Variants in LRFN2 observed in about 807,000 individuals in gnomAD.
The protein encoded by LRFN2 is leucine rich repeat and fibronectin type III domain containing 2.
A neutral mutation model predicts 37.3 loss-of-function variants in LRFN2; 18 were observed. The ratio of observed to expected loss-of-function variants is 0.48; its 90% CI spans 0.33 to 0.72. The LOEUF (loss-of-function observed/expected upper bound fraction) is 0.72, where lower values mean the gene tolerates loss of function less well. Ranked by LOEUF, LRFN2 falls within the 30% of genes least tolerant of loss-of-function variation. The pLI is 0.02. For synonymous variants in LRFN2, 556 were observed against 466.6 expected, an observed-to-expected ratio of 1.19 and a Z score of -2.47; for missense variants, 1,006 against 1,060.7, an observed-to-expected ratio of 0.95 and a Z score of 0.72.
At chr6:40,412,282 C>A (rs1346442568) in intron 2 of LRFN2, among the ~76,000 whole-genome samples, 3 of 152,162 alleles carry the variant, frequency 2.0e-5, no homozygotes, top group African/African-American at 7.2e-5. Context: ...AATTTTCTGA[C>A]CTTCCTCAGT....
chr6:40,529,412 C>A (rs1766309562), intron 1 of LRFN2, among the ~76,000 whole-genome samples: 1 of 152,278 alleles, frequency 6.6e-6, no homozygotes. Context: ...ATTTGTGGAC[C>A]AAACTGCCTA....
At chr6:40,463,627 T>A (rs1316228103) in intron 1 of LRFN2, among the ~76,000 whole-genome samples, 1 of 151,778 alleles carries the variant, frequency 6.6e-6, no homozygotes, top group African/African-American at 2.4e-5. Flanking sequence ...CACTCCATGT[T>A]CCCTGCATTT....
intron 1 of LRFN2, among the ~76,000 whole-genome samples, chr6:40,564,862 C>T (rs1767060886): frequency 1.3e-5 from 2 of 152,144 alleles, no homozygotes; most frequent in Non-Finnish European, 2.9e-5. Context: ...TGATCATATC[C>T]TCCAACCCCA....
At chr6:40,526,707 C>T (rs998480311) in intron 1 of LRFN2, among the ~76,000 whole-genome samples, 4 of 152,174 alleles carry the variant, frequency 2.6e-5, no homozygotes, top group East Asian at 1.9e-4. Flanking sequence ...TGTGGCCATC[C>T]GGTCCCTCCC....
Position 40,485,734 on chromosome 6 carries a change from A to AATAAG in LRFN2, c.-18-52608_-18-52604dup, listed in dbSNP as rs1764941812. Reference sequence around the variant, plus strand: ...TTAAGCCCTGGAAGAACTCAGGGCAAATAAGGAAAGCTGTAGCTCAAGGTC... The same window carrying AATAAG: ...TTAAGCCCTGGAAGAACTCAGGGCAAATAAGATAAGGAAAGCTGTAGCTCAAGGTC... On this transcript the variant is annotated intron_variant, in intron 1 of 2. Coordinates refer to ENST00000338305, the MANE Select transcript of LRFN2 (RefSeq NM_020737.3). Among the ~76,000 whole-genome samples, 3 of 152,310 alleles carry AATAAG rather than the reference A, an allele frequency of 2.0e-5. No individual in the cohort carries two copies. The South Asian group carries it at 6.2e-4, about 32-fold the overall frequency.
chr6:40,574,674 G>T (rs1393878715), intron 1 of LRFN2, among the ~76,000 whole-genome samples: 2 of 152,184 alleles, frequency 1.3e-5, no homozygotes, highest in Non-Finnish European at 2.9e-5. Context: ...GGCACTGCAG[G>T]TACCTGCGGC....
intron 1 of LRFN2, among the ~76,000 whole-genome samples, chr6:40,517,945 CT>C (rs1231697261): frequency 1.3e-5 from 2 of 152,196 alleles, no homozygotes; most frequent in Non-Finnish European, 2.9e-5. Flanking sequence ...TGTTTTCCTC[CT>C]GCTCCCCACC....
rs1260959742 is a variant in LRFN2, at chr6:40,432,449, T to C, written c.665A>G (p.Gln222Arg). ...LPPDPIFARS[Q>R]ASALTATPFA... Reference sequence around the variant, plus strand: ...GGGTGTGGCTGTCAAAGCCGAAGCCTGGGAGCGGGCAAAGATGGGATCAGG... The same window carrying C: ...GGGTGTGGCTGTCAAAGCCGAAGCCCGGGAGCGGGCAAAGATGGGATCAGG... Residue 222 changes from glutamine to arginine, a missense_variant, in exon 2 of 3, where the codon CAG (glutamine) becomes CGG (arginine). Physicochemically the swap from Gln to Arg is conservative, Grantham distance 43. Transcript: ENST00000338305. The C allele has an allele frequency of 6.2e-7, 1 of 1,614,020 alleles. No homozygotes were observed. The highest frequency in any genetic ancestry group is 8.5e-7 in the Non-Finnish European group (1 of 1,180,040).
intron 2 of LRFN2, among the ~76,000 whole-genome samples, chr6:40,422,784 C>T (rs1763258846): frequency 6.6e-6 from 1 of 152,226 alleles, no homozygotes; most frequent in South Asian, 2.1e-4. Context: ...GATATCCTCA[C>T]TCCCATCTCC....
At chr6:40,513,213 A>T (rs181279874) in intron 1 of LRFN2, among the ~76,000 whole-genome samples, 1 of 151,942 alleles carries the variant, frequency 6.6e-6, no homozygotes. Flanking sequence ...GGAGCAGTTA[A>T]CAATACGCCC....
At chr6:40,475,236 C>T (rs960261877) in intron 1 of LRFN2, among the ~76,000 whole-genome samples, 4 of 152,112 alleles carry the variant, frequency 2.6e-5, no homozygotes, top group African/African-American at 7.2e-5. Context: ...ATTGATGCAG[C>T]GGTTCTGCTT....
intron 1 of LRFN2, among the ~76,000 whole-genome samples, chr6:40,446,328 C>A (rs1763969015): frequency 6.6e-6 from 1 of 152,166 alleles, no homozygotes; most frequent in African/African-American, 2.4e-5. Flanking sequence ...AGAAGCATTC[C>A]AAGGCAAAAG....
chr6:40,481,980 A>G (rs1051724833), intron 1 of LRFN2, among the ~76,000 whole-genome samples: 1 of 152,168 alleles, frequency 6.6e-6, no homozygotes, highest in African/African-American at 2.4e-5. Context: ...GGATCTAGCC[A>G]TTGTCCTCAT....
intron 1 of LRFN2, among the ~76,000 whole-genome samples, chr6:40,468,255 G>A (rs956827699): frequency 2.6e-5 from 4 of 152,062 alleles, no homozygotes; most frequent in Non-Finnish European, 5.9e-5. Context: ...CCACCCACAA[G>A]CACTGGGAGG....
intron 1 of LRFN2, among the ~76,000 whole-genome samples, chr6:40,564,376 A>G (rs1767052167): frequency 6.6e-6 from 1 of 152,210 alleles, no homozygotes; most frequent in Non-Finnish European, 1.5e-5. Flanking sequence ...CGATACATAT[A>G]GACAAAATTA....
At chr6:40,566,450 C>T (rs143907223) in intron 1 of LRFN2, among the ~76,000 whole-genome samples, 4,361 of 152,262 alleles carry the variant, frequency 0.029, 106 homozygotes, top group Non-Finnish European at 0.042. Context: ...TTTATTGCCG[C>T]GCTATTCACA....
intron 2 of LRFN2, among the ~76,000 whole-genome samples, chr6:40,395,092 C>T (rs1446257256): frequency 6.6e-6 from 1 of 151,962 alleles, no homozygotes; most frequent in Non-Finnish European, 1.5e-5. Context: ...GAGGTGGATC[C>T]AGCAAGGACC....
Position 40,391,851 on chromosome 6 carries a change from C to G in LRFN2, c.*92G>C. 1 of 1,349,502 alleles carries G rather than the reference C, an allele frequency of 7.4e-7. No homozygotes were observed. Among genetic ancestry groups the G allele is most frequent in the Non-Finnish European group, 9.9e-7 (1 of 1,006,222 alleles). 83.6% of individuals were successfully genotyped at this position (1,349,502 alleles called of 1,614,324 possible). A position where few individuals can be genotyped will look rare whatever the true frequency, so the allele number is the denominator to read the frequency against. On this transcript the variant is annotated 3_prime_UTR_variant, in exon 3 of 3. Coordinates refer to ENST00000338305, the MANE Select transcript of LRFN2 (RefSeq NM_020737.3). ...AGACGAAACTGTCCCTGGATGTAAA[C>G]ATCACCATGGAAACTCCACAAACAC...
chr6:40,537,492 T>C (rs560796299), intron 1 of LRFN2, among the ~76,000 whole-genome samples: 1 of 152,270 alleles, frequency 6.6e-6, no homozygotes, highest in South Asian at 2.1e-4. Flanking sequence ...TCAGGGGAAC[T>C]GAGCGGGCTG....
Sources: allele counts gnomAD v4.1 joint callset (sites outside exome capture counted in the v4.1 genomes callset), GRCh38; gene constraint gnomAD v4.1.1; transcripts MANE v1.5; gene names NCBI Gene and HGNC (gene_info 2026-07-23, HGNC 2026-07-21).